Variants in PDHX observed in about 807,000 individuals in gnomAD.
The protein encoded by PDHX is pyruvate dehydrogenase protein X component, mitochondrial.
A neutral mutation model predicts 55.3 loss-of-function variants in PDHX; 33 were observed. The observed-to-expected ratio is 0.60, with a 90% CI of 0.45 to 0.80. PDHX has a LOEUF of 0.80. Among genes scored for constraint, PDHX ranks in the 30% least tolerant of loss-of-function variants. The pLI, the probability that PDHX is intolerant of heterozygous loss-of-function variation, is 0.00. For missense variants in PDHX, 622 were observed against 619.9 expected (o/e 1.00, Z -0.04); for synonymous variants, 226 against 219.4 (o/e 1.03, Z -0.27).
chr11:34,991,840 A>T (rs1855762976), intron 9 of PDHX, among the ~76,000 whole-genome samples: 2 of 143,396 alleles, frequency 1.4e-5, no homozygotes, highest in East Asian at 2.3e-4. Context: ...AACCTGGGAG[A>T]TGGAGGTTGC....
In PDHX at chr11:34,995,828, A is replaced by G. The variant is rs2134009343; in HGVS notation, c.*656A>G. The G allele has an allele frequency of 6.5e-6, 1 of 152,732 alleles. No homozygotes were observed. The highest frequency in any genetic ancestry group is 2.4e-5 in the African/African-American group (1 of 41,578). 9.5% of individuals were successfully genotyped at this position (152,732 alleles called of 1,614,324 possible). ...TGAACTTCTAAAGCAAGAGGATAAA[A>G]GAAGCATGAATGAAAAGAATGACAT... On this transcript the variant is annotated 3_prime_UTR_variant, in exon 11 of 11. Coordinates refer to ENST00000227868, the MANE Select transcript of PDHX (RefSeq NM_003477.3).
chr11:34,934,835 T>C (rs1854270453), intron 2 of PDHX, among the ~76,000 whole-genome samples: 1 of 151,906 alleles, frequency 6.6e-6, no homozygotes, highest in Admixed American at 6.6e-5. Context: ...TGCCTCGACC[T>C]CCCAAAGTGC....
chr11:34,935,918 G>A (rs1854298094), intron 2 of PDHX, among the ~76,000 whole-genome samples: 1 of 152,156 alleles, frequency 6.6e-6, no homozygotes, highest in Non-Finnish European at 1.5e-5. Flanking sequence ...ACAAATGTTG[G>A]TATTGAGTGG....
upstream of PDHX, chr11:34,916,356 G>C (rs767425029): frequency 5.1e-6 from 8 of 1,577,444 alleles, no homozygotes; most frequent in South Asian, 3.4e-5. Context: ...CCTGGGATAC[G>C]GCAGCGAGGC....
intron 8 of PDHX, among the ~76,000 whole-genome samples, chr11:34,982,471 A>G (rs1015948805): frequency 1.3e-5 from 2 of 152,220 alleles, no homozygotes; most frequent in African/African-American, 2.4e-5. Flanking sequence ...CAAAAAATCC[A>G]TGAATCCGGG....
At chr11:34,985,001 C>T (rs1022616826) in intron 9 of PDHX, 1 of 363,954 alleles carries the variant, frequency 2.7e-6, no homozygotes, top group Non-Finnish European at 5.0e-6. Flanking sequence ...GCTTTATTTT[C>T]CAAAGTCCAG....
chr11:34,963,386 C>T (rs1228724455), intron 5 of PDHX, among the ~76,000 whole-genome samples: 1 of 152,110 alleles, frequency 6.6e-6, no homozygotes, highest in Non-Finnish European at 1.5e-5. Flanking sequence ...TGAAGTGGTC[C>T]TATCACCTCA....
chr11:34,944,104 T>A (rs995963707), intron 2 of PDHX, among the ~76,000 whole-genome samples: 6 of 148,726 alleles, frequency 4.0e-5, no homozygotes, highest in East Asian at 1.9e-4. Context: ...TATATATATA[T>A]AAAATATATT....
intron 8 of PDHX, among the ~76,000 whole-genome samples, chr11:34,982,888 A>C (rs865812231): frequency 2.0e-5 from 3 of 152,212 alleles, no homozygotes; most frequent in Admixed American, 6.5e-5. Context: ...ATTCCAATCA[A>C]TAGAAAAAGA....
At chr11:34,935,865 C>T (rs923191061) in intron 2 of PDHX, among the ~76,000 whole-genome samples, 1 of 152,138 alleles carries the variant, frequency 6.6e-6, no homozygotes, top group African/African-American at 2.4e-5. Context: ...CAAGGACTTC[C>T]AGGGTATCCT....
intron 1 of PDHX, among the ~76,000 whole-genome samples, chr11:34,929,951 G>A (rs1214474600): frequency 3.3e-5 from 5 of 152,242 alleles, no homozygotes; most frequent in Non-Finnish European, 5.9e-5. Flanking sequence ...GGCCTTCTAA[G>A]ACTGGGCTTC....
At chr11:34,929,473 A>C (rs1193155380) in intron 1 of PDHX, among the ~76,000 whole-genome samples, 2 of 152,122 alleles carry the variant, frequency 1.3e-5, no homozygotes, top group Non-Finnish European at 1.5e-5. Flanking sequence ...AAATCTGCCC[A>C]CCTCGGCAAA....
At chr11:34,931,516 C>G (rs1473688729) in intron 2 of PDHX, 32 bp downstream of exon 2, 2 of 1,182,138 alleles carry the variant, frequency 1.7e-6, no homozygotes, top group African/African-American at 1.7e-5. Context: ...GTCCTGTGTG[C>G]TTTGTTATTT....
At chr11:34,977,130 A>G (rs1042198412) in intron 7 of PDHX, among the ~76,000 whole-genome samples, 5 of 152,270 alleles carry the variant, frequency 3.3e-5, no homozygotes, top group East Asian at 1.9e-4. Context: ...GGTTTATGGT[A>G]ATTCATCTAA....
chr11:34,918,331 A>G (rs569254988), intron 1 of PDHX, among the ~76,000 whole-genome samples: 48 of 151,808 alleles, frequency 3.2e-4, no homozygotes, highest in African/African-American at 1.2e-3. Context: ...CAGCTACTCC[A>G]GGGGCTGAGG....
intron 2 of PDHX, among the ~76,000 whole-genome samples, 189 bp downstream of exon 2, chr11:34,931,673 T>A (rs756795415): frequency 1.3e-5 from 2 of 152,218 alleles, no homozygotes; most frequent in Admixed American, 6.5e-5. Flanking sequence ...GTTTTCTGGG[T>A]TCAGCATATA....
At chr11:34,961,019 C>A (rs12099276) in intron 5 of PDHX, among the ~76,000 whole-genome samples, 2,475 of 152,230 alleles carry the variant, frequency 0.016, 64 homozygotes, top group African/African-American at 0.057. Context: ...TTTAGTACCA[C>A]ACTTTTAATT....
At chr11:34,944,899 AT>A (rs1421564683) in intron 2 of PDHX, among the ~76,000 whole-genome samples, 5 of 151,978 alleles carry the variant, frequency 3.3e-5, no homozygotes, top group Non-Finnish European at 7.4e-5. Context: ...ATTTATTGTG[AT>A]TACGGATACA....
At chr11:34,984,357 C>T (rs961079625) in intron 8 of PDHX, among the ~76,000 whole-genome samples, 1 of 152,136 alleles carries the variant, frequency 6.6e-6, no homozygotes, top group Non-Finnish European at 1.5e-5. Context: ...TTTCTTCAAA[C>T]TTGCTTCAAA....
Sources: gnomAD v4.1 joint callset for allele counts (sites outside exome capture counted in the v4.1 genomes callset) on GRCh38, gnomAD v4.1.1 for gene constraint, MANE v1.5 for transcripts, NCBI Gene and HGNC (gene_info 2026-07-23, HGNC 2026-07-21) for gene names.